Variants in CC2D2B observed in about 807,000 individuals in gnomAD.
CC2D2B encodes the protein coiled-coil and C2 domain containing 2B.
CC2D2B carries 128 observed loss-of-function variants against 161.2 expected under a neutral mutation model. That is an observed-to-expected ratio of 0.79 (90% confidence interval 0.69 to 0.92). The LOEUF (loss-of-function observed/expected upper bound fraction) is 0.92. Among genes scored for constraint, CC2D2B ranks in the 40% least tolerant of loss-of-function variants. The pLI, the probability that CC2D2B is intolerant of heterozygous loss-of-function variation, is 0.00. For synonymous variants in CC2D2B, 391 were observed against 449.8 expected, an observed-to-expected ratio of 0.87 and a Z score of 1.65; for missense variants, 1,173 against 1,375.1, an observed-to-expected ratio of 0.85 and a Z score of 2.32.
intron 9 of CC2D2B, among the ~76,000 whole-genome samples, chr10:95,941,482 A>C (rs1416794001): frequency 6.6e-6 from 1 of 152,158 alleles, no homozygotes; most frequent in Non-Finnish European, 1.5e-5. Context: ...TAAAGAACTG[A>C]TTTAACTCAG....
rs1327542887 is a variant in CC2D2B at position 95,922,041 on chromosome 10, C to T, written c.62C>T (p.Thr21Ile). The change falls in exon 3 of 35, where the codon ACA (threonine) becomes ATA (isoleucine). Residue 21 changes from threonine (T) to isoleucine (I), a missense_variant. This residue lies in a region of CC2D2B where 298 missense variants were observed against 261.2 expected (regional missense o/e 1.14). Coordinates refer to ENST00000646931, the MANE Select transcript of CC2D2B (RefSeq NM_001349008.3). ...ATGTCAGAAGAGATGGATAATATTA[C>T]AGCTGAAGAAATTATAGACAAGCAT... ...KKMSEEMDNI[T>I]AEEIIDKHLQ... 1.9e-6 allele frequency: 3 copies of T among 1,543,272 alleles called. No homozygotes were observed. Among genetic ancestry groups the T allele is most frequent in the African/African-American group, 2.7e-5 (2 of 72,818 alleles).
chr10:95,917,612 C>A (rs1030740633), intron 2 of CC2D2B, among the ~76,000 whole-genome samples: 2 of 152,090 alleles, frequency 1.3e-5, no homozygotes, highest in Admixed American at 6.5e-5. Flanking sequence ...CATCTTACAA[C>A]CCATTATTTC....
intron 30 of CC2D2B, 115 bp downstream of exon 30, chr10:96,016,429 T>A: frequency 1.4e-6 from 1 of 704,572 alleles, no homozygotes; most frequent in Non-Finnish European, 2.5e-6. Context: ...AATTTGGAAT[T>A]TCATGGGCAA....
At chr10:96,012,131 G>T in intron 26 of CC2D2B, 54 bp from the exon 27 acceptor site, 1 of 567,120 alleles carries the variant, frequency 1.8e-6, no homozygotes, top group South Asian at 2.5e-5. Context: ...CTAAATATTT[G>T]ACTGATGTTT....
At chr10:95,998,835 G>T (rs982426414) in intron 24 of CC2D2B, among the ~76,000 whole-genome samples, 10 of 152,118 alleles carry the variant, frequency 6.6e-5, no homozygotes, top group African/African-American at 2.2e-4. Context: ...ACCTTCAGAG[G>T]CCAGGTGCAG....
chr10:95,915,254 A>G (rs957058319), intron 2 of CC2D2B, among the ~76,000 whole-genome samples: 3 of 152,142 alleles, frequency 2.0e-5, no homozygotes, highest in African/African-American at 4.8e-5. Context: ...TTTGTATATC[A>G]ATTTTATGTC....
intron 6 of CC2D2B, among the ~76,000 whole-genome samples, chr10:95,929,248 GT>G (rs2098545209): frequency 6.6e-6 from 1 of 151,376 alleles, no homozygotes; most frequent in African/African-American, 2.4e-5. Context: ...TGATGGGGTT[GT>G]TTTTTCTTGT....
intron 34 of CC2D2B, among the ~76,000 whole-genome samples, chr10:96,028,518 C>T (rs1259955552): frequency 4.6e-5 from 7 of 151,960 alleles, no homozygotes; most frequent in African/African-American, 7.3e-5. Context: ...CTTTGTACAC[C>T]GTTAGTGGGA....
At chr10:95,966,065 A>G in intron 13 of CC2D2B, 67 bp downstream of exon 13, 1 of 752,590 alleles carries the variant, frequency 1.3e-6, no homozygotes, top group Non-Finnish European at 1.8e-6. Context: ...ATAGAATGTG[A>G]AATCTTGGTA....
chr10:95,990,836 A>G (rs2077924609), intron 20 of CC2D2B, among the ~76,000 whole-genome samples: 1 of 152,178 alleles, frequency 6.6e-6, no homozygotes, highest in Non-Finnish European at 1.5e-5. Flanking sequence ...GGAGGAGCTA[A>G]GATCTGTGGG....
At chr10:95,966,121 A>G (rs2076931831) in intron 13 of CC2D2B, 69 bp from the exon 14 acceptor site, 1 of 733,626 alleles carries the variant, frequency 1.4e-6, no homozygotes, top group East Asian at 3.4e-5. Flanking sequence ...GAAATAAATG[A>G]ATTTTAAGAA....
At chr10:95,988,432 C>A in intron 20 of CC2D2B, 90 bp downstream of exon 20, 1 of 492,966 alleles carries the variant, frequency 2.0e-6, no homozygotes, top group Non-Finnish European at 3.2e-6. Context: ...TCCAGAGAGT[C>A]AGATGGACGA....
chr10:95,956,743 C>T (rs1441068055), intron 11 of CC2D2B, among the ~76,000 whole-genome samples: 3 of 152,166 alleles, frequency 2.0e-5, no homozygotes, highest in Non-Finnish European at 4.4e-5. Flanking sequence ...TATAAAATGA[C>T]ATAGTATTTG....
chr10:96,025,154 A>AATAT (rs1175038678), intron 33 of CC2D2B, among the ~76,000 whole-genome samples: 230 of 20,050 alleles, frequency 0.011, 2 homozygotes, highest in Non-Finnish European at 0.015. Flanking sequence ...ACTAAAAAAA[A>AATAT]ATATATATAT....
At chr10:96,006,685 G>T (rs774380165) in intron 25 of CC2D2B, among the ~76,000 whole-genome samples, 1 of 152,084 alleles carries the variant, frequency 6.6e-6, no homozygotes, top group Non-Finnish European at 1.5e-5. Flanking sequence ...AGATGAAGGG[G>T]TTCCTTTGAT....
intron 32 of CC2D2B, among the ~76,000 whole-genome samples, chr10:96,022,229 G>T (rs1270346531): frequency 6.6e-6 from 1 of 152,150 alleles, no homozygotes; most frequent in East Asian, 1.9e-4. Flanking sequence ...GCTGAGGCAG[G>T]AGAATCACTT....
Position 95,961,277 on chromosome 10 carries a change from C to T in CC2D2B, c.1110-552C>T, listed in dbSNP as rs142063011. On this transcript the variant is annotated intron_variant, in intron 11 of 34. Coordinates refer to ENST00000646931, the MANE Select transcript of CC2D2B (RefSeq NM_001349008.3). ...GCTCAGTGGCTTACGCTTATAACCC[C>T]AGTGCTTTAGGAGGCTGAGGCAGGC... Among the ~76,000 whole-genome samples the T allele has an allele frequency of 6.4e-4, 98 of 152,248 alleles. 2 individuals carry two copies. The East Asian group carries it at 0.018, about 27-fold the overall frequency.
intron 6 of CC2D2B, among the ~76,000 whole-genome samples, chr10:95,936,867 A>C (rs927646403): frequency 5.3e-5 from 8 of 152,186 alleles, no homozygotes; most frequent in African/African-American, 1.9e-4. Flanking sequence ...GCCCTGGCCC[A>C]CACAAGGGGT....
intron 28 of CC2D2B, among the ~76,000 whole-genome samples, chr10:96,013,505 T>C (rs1379494883): frequency 1.3e-5 from 2 of 151,026 alleles, no homozygotes; most frequent in Non-Finnish European, 3.0e-5. Context: ...AAATAATTAC[T>C]AAATAAATAA....
Sources: gnomAD v4.1 joint callset for allele counts (sites outside exome capture counted in the v4.1 genomes callset) on GRCh38, gnomAD v4.1.1 for gene constraint, gnomAD v4.1.1 regional missense constraint, MANE v1.5 for transcripts, NCBI Gene and HGNC (gene_info 2026-07-23, HGNC 2026-07-21) for gene names.